The following UGGT2 variants were observed in gnomAD, a reference collection of about 807,000 sequenced individuals.
UGGT2 encodes UDP-glucose:glycoprotein glucosyltransferase 2.
A neutral mutation model predicts 192.1 loss-of-function variants in UGGT2; 180 were observed. The ratio of observed to expected loss-of-function variants is 0.94; its 90% CI spans 0.83 to 1.06. The LOEUF is 1.06. Among genes scored for constraint, UGGT2 ranks in the 50% least tolerant of loss-of-function variants. The pLI, the probability that UGGT2 is intolerant of heterozygous loss-of-function variation, is 0.00. For missense variants in UGGT2, 1,849 were observed against 1,795.7 expected, an observed-to-expected ratio of 1.03 and a Z score of -0.54; for synonymous variants, 580 against 591.0, an observed-to-expected ratio of 0.98 and a Z score of 0.27.
chr13:95,833,241 T>A (rs576053310), intron 37 of UGGT2, among the ~76,000 whole-genome samples, 188 bp from the exon 38 acceptor site: 1 of 152,242 alleles, frequency 6.6e-6, no homozygotes, highest in Admixed American at 6.5e-5. Flanking sequence ...AATTGCTTAA[T>A]ACAAATACCT....
At position 95,905,244 on chromosome 13, in the gene UGGT2, G is replaced by C. The variant is rs1041263124; in HGVS notation, c.2296-2184C>G. Among the ~76,000 whole-genome samples, 270 of 148,588 alleles carry C rather than the reference G, an allele frequency of 1.8e-3. 3 individuals carry two copies. The highest frequency in any genetic ancestry group is 3.6e-3 in the Middle Eastern group (1 of 280). ...GTGGAAATTTTCTCCCATTTTGTAG[G>C]TTGCCTGTTCACTCTGATGGTAGTT... On this transcript the variant is annotated intron_variant, in intron 20 of 38. Coordinates refer to ENST00000376747, the MANE Select transcript of UGGT2 (RefSeq NM_020121.4).
At chr13:95,871,974 C>T (rs34345778) in intron 29 of UGGT2, among the ~76,000 whole-genome samples, 3 of 151,722 alleles carry the variant, frequency 2.0e-5, no homozygotes, top group Non-Finnish European at 4.4e-5. Context: ...CTTCCTCCTA[C>T]AAAAACATGG....
At chr13:95,947,849 A>G (rs1201293623) in intron 14 of UGGT2, 147 bp downstream of exon 14, 2 of 582,760 alleles carry the variant, frequency 3.4e-6, no homozygotes, top group Admixed American at 3.0e-5. Context: ...ATAAAGGTAT[A>G]TAATACTTCA....
rs1331608252 is a variant in UGGT2, at chr13:95,877,375, G to A, written c.3388-11C>T. The A allele has an allele frequency of 1.3e-6, 2 of 1,588,828 alleles. No homozygotes were observed. Among genetic ancestry groups the A allele is most frequent in the Non-Finnish European group, 1.7e-6 (2 of 1,169,152 alleles). On this transcript the variant is annotated splice_polypyrimidine_tract_variant and intron_variant, in intron 28 of 38. Transcript: ENST00000376747. The stretch of plus-strand genomic sequence containing the variant: ...TAATTGAAAATACCCCTTTTAAGAT[G>A]AGAAAAAAATAATCATTGAGTAATA...
At chr13:95,946,241 T>C (rs2049863570) in intron 15 of UGGT2, among the ~76,000 whole-genome samples, 1 of 152,212 alleles carries the variant, frequency 6.6e-6, no homozygotes, top group Non-Finnish European at 1.5e-5. Context: ...TTATATGATC[T>C]CTTTGTCAGA....
At chr13:95,960,725 T>C (rs1452314534) in intron 12 of UGGT2, among the ~76,000 whole-genome samples, 1 of 152,134 alleles carries the variant, frequency 6.6e-6, no homozygotes, top group Non-Finnish European at 1.5e-5. Context: ...TCCAAAAGGT[T>C]TTGCCCATGG....
chr13:95,920,256 A>T (rs1430058013), intron 20 of UGGT2, among the ~76,000 whole-genome samples: 5 of 152,228 alleles, frequency 3.3e-5, no homozygotes, highest in Non-Finnish European at 7.3e-5. Flanking sequence ...AAGAAAATCT[A>T]GGCAATACTA....
intron 10 of UGGT2, 80 bp from the exon 11 acceptor site, chr13:95,972,751 A>G (rs2050814997): frequency 9.5e-7 from 1 of 1,056,704 alleles, no homozygotes; most frequent in Admixed American, 2.1e-5. Context: ...TTATTTCTAT[A>G]AAGAGTCAGA....
intron 10 of UGGT2, among the ~76,000 whole-genome samples, chr13:95,979,305 T>G (rs1354444481): frequency 6.6e-6 from 1 of 152,118 alleles, no homozygotes; most frequent in African/African-American, 2.4e-5. Flanking sequence ...CAAACTCAAA[T>G]TCAGTTATAC....
intron 12 of UGGT2, among the ~76,000 whole-genome samples, chr13:95,954,872 C>T (rs1311527795): frequency 6.6e-6 from 1 of 152,196 alleles, no homozygotes; most frequent in Non-Finnish European, 1.5e-5. Flanking sequence ...AAATATTTTA[C>T]AGAATTTGAC....
In UGGT2 at chr13:95,873,165, C is replaced by T. The variant is rs540714831; in HGVS notation, c.3473+4114G>A. On this transcript the variant is annotated intron_variant, in intron 29 of 38. Coordinates refer to ENST00000376747, the MANE Select transcript of UGGT2 (RefSeq NM_020121.4). ...TGAATTCCTGGCAAAGCAGTTTGCA[C>T]AAAATTTAAAAAGCTGAAACAAAGC... Among the ~76,000 whole-genome samples the T allele has an allele frequency of 4.5e-4, 69 of 152,216 alleles. 1 individual carries two copies. The highest frequency in any genetic ancestry group is 5.4e-4 in the Non-Finnish European group (37 of 68,020).
intron 8 of UGGT2, among the ~76,000 whole-genome samples, chr13:95,987,560 G>A (rs1473978911): frequency 6.6e-6 from 1 of 152,032 alleles, no homozygotes; most frequent in Non-Finnish European, 1.5e-5. Flanking sequence ...CATAAAAAAG[G>A]ATCTAAAAAT....
intron 25 of UGGT2, 58 bp from the exon 26 acceptor site, chr13:95,888,029 T>C: frequency 1.7e-6 from 2 of 1,210,242 alleles, no homozygotes; most frequent in Admixed American, 4.0e-5. Context: ...TAATATTTAT[T>C]ATGTATTTAC....
Position 95,939,941 on chromosome 13 carries a change from T to G in UGGT2, c.1812+16A>C. On this transcript the variant is annotated intron_variant, in intron 16 of 38. Coordinates refer to ENST00000376747, the MANE Select transcript of UGGT2 (RefSeq NM_020121.4). ...TGTGCCTGGCCTACTCCACTTAACA[T>G]AATGTCCCAACTTACCTTTCTTTCT... The G allele has an allele frequency of 6.3e-7, 1 of 1,585,238 alleles. No individual in the cohort carries two copies. Among genetic ancestry groups the G allele is most frequent in the Non-Finnish European group, 8.6e-7 (1 of 1,164,376 alleles).
chr13:95,834,690 C>T (rs1159694714), intron 37 of UGGT2, among the ~76,000 whole-genome samples: 1 of 152,086 alleles, frequency 6.6e-6, no homozygotes, highest in East Asian at 1.9e-4. Flanking sequence ...AAAATTTGTG[C>T]CACTTCTCCT....
At chr13:95,872,132 T>C (rs1891277981) in intron 29 of UGGT2, among the ~76,000 whole-genome samples, 1 of 152,244 alleles carries the variant, frequency 6.6e-6, no homozygotes, top group African/African-American at 2.4e-5. Flanking sequence ...TAATATTCTC[T>C]ACAATTAATT....
intron 17 of UGGT2, among the ~76,000 whole-genome samples, chr13:95,931,841 G>A (rs1388960774): frequency 6.6e-6 from 1 of 152,156 alleles, no homozygotes; most frequent in Non-Finnish European, 1.5e-5. Context: ...CCCGCAAGCA[G>A]AGGGAGCCGG....
chr13:95,916,812 A>G (rs1172551803), intron 20 of UGGT2, among the ~76,000 whole-genome samples: 2 of 152,172 alleles, frequency 1.3e-5, no homozygotes, highest in African/African-American at 2.4e-5. Flanking sequence ...CAGAACTTGA[A>G]AACTATCTTG....
In UGGT2 at chr13:95,936,651, G is replaced by A. The variant is rs9525092; in HGVS notation, c.1977+273C>T. On this transcript the variant is annotated intron_variant, in intron 17 of 38. Transcript: ENST00000376747. Reference sequence around the variant, plus strand: ...GCTCCAAGTTCTCTGCAGAGGGAGCGGGGTAGCCTAAACTCCTAATCGAGG... The same window carrying A: ...GCTCCAAGTTCTCTGCAGAGGGAGCAGGGTAGCCTAAACTCCTAATCGAGG... Among the ~76,000 whole-genome samples the A allele has an allele frequency of 1.2e-4, 19 of 152,280 alleles. No homozygotes were observed. The East Asian group carries it at 1.5e-3, about 12-fold the overall frequency.
Sources: gnomAD v4.1 joint callset for allele counts (sites outside exome capture counted in the v4.1 genomes callset) on GRCh38, gnomAD v4.1.1 for gene constraint, MANE v1.5 for transcripts, NCBI Gene and HGNC (gene_info 2026-07-23, HGNC 2026-07-21) for gene names.